ARHGAP20: variants seen among roughly 807,000 people sequenced by gnomAD.
ARHGAP20 encodes Rho GTPase activating protein 20, also known as rho GTPase-activating protein 20.
Under a neutral mutation model 73.7 loss-of-function variants are expected in ARHGAP20, and 34 were observed. The observed-to-expected ratio is 0.46, with a 90% CI of 0.35 to 0.61. The LOEUF is 0.61. Ranked by LOEUF, ARHGAP20 falls within the 20% of genes least tolerant of loss-of-function variation. The probability of loss-of-function intolerance (pLI) is 0.00; values close to 1 mark genes in which losing one functional copy is unlikely to be tolerated. For synonymous variants in ARHGAP20, 523 were observed against 518.2 expected (o/e 1.01, Z -0.13); for missense variants, 1,314 against 1,420.9 (o/e 0.92, Z 1.21).
intron 4 of ARHGAP20, among the ~76,000 whole-genome samples, chr11:110,619,583 A>G (rs573577042): frequency 6.0e-5 from 9 of 150,066 alleles, no homozygotes; most frequent in South Asian, 2.1e-4. Flanking sequence ...GTGATAGCGT[A>G]TATGTAGTGA....
intron 2 of ARHGAP20, among the ~76,000 whole-genome samples, chr11:110,636,469 G>C (rs148218628): frequency 1.3e-5 from 2 of 152,026 alleles, no homozygotes; most frequent in African/African-American, 4.8e-5. Flanking sequence ...CAATTCCAAA[G>C]GATTTTCACA....
chr11:110,626,212 C>T (rs1948740902), intron 3 of ARHGAP20, among the ~76,000 whole-genome samples: 1 of 152,108 alleles, frequency 6.6e-6, no homozygotes. Flanking sequence ...TTTGTTTTCA[C>T]ATATTTTGTA....
chr11:110,579,755 A>G lies in ARHGAP20; in HGVS notation c.3191T>C (p.Ile1064Thr), dbSNP rs781424737. The change falls in exon 15 of 15, where the codon ATA (isoleucine) becomes ACA (threonine). Residue 1064 changes from isoleucine to threonine, a missense_variant. Coordinates refer to ENST00000683387, the MANE Select transcript of ARHGAP20 (RefSeq NM_001384657.1). ...CTCTAAGGGTCCTTTTGGAGAAGCTATTTTCTCTTCCTCTGGTCTGGCTGC... is the reference window on the plus strand; with the variant it reads ...CTCTAAGGGTCCTTTTGGAGAAGCTGTTTTCTCTTCCTCTGGTCTGGCTGC... ...AKAARPEEEKIASPKGPLEPP... is the reference protein window; with the variant it reads ...AKAARPEEEKTASPKGPLEPP... 4 of 1,613,750 alleles carry G rather than the reference A, an allele frequency of 2.5e-6. No individual in the cohort carries two copies. The highest frequency in any genetic ancestry group is 4.5e-5 in the East Asian group (2 of 44,872).
Position 110,712,325 on chromosome 11 carries a change from G to T in ARHGAP20, c.-94C>A. ...GGAGGGGCGAGGACGCGCGGGCGGA[G>T]GCGCGGCTGCCGTGCTCAGGCAGGG... On this transcript the variant is annotated 5_prime_UTR_variant, in exon 1 of 15. Coordinates refer to ENST00000683387, the MANE Select transcript of ARHGAP20 (RefSeq NM_001384657.1). 1 of 1,087,490 alleles carries T rather than the reference G, an allele frequency of 9.2e-7. No homozygotes were observed. The highest frequency in any genetic ancestry group is 1.2e-6 in the Non-Finnish European group (1 of 843,016). 67.4% of individuals were successfully genotyped at this position (1,087,490 alleles called of 1,614,324 possible).
chr11:110,609,377 C>A (rs963478980), intron 7 of ARHGAP20, among the ~76,000 whole-genome samples: 1 of 152,126 alleles, frequency 6.6e-6, no homozygotes, highest in Non-Finnish European at 1.5e-5. Context: ...GCAAAGACAA[C>A]CTTATTATCC....
chr11:110,649,364 T>C (rs1847319163), intron 2 of ARHGAP20, among the ~76,000 whole-genome samples: 1 of 151,410 alleles, frequency 6.6e-6, no homozygotes, highest in South Asian at 2.1e-4. Flanking sequence ...CATTTCACTA[T>C]CCCCAAAACA....
At chr11:110,673,366 CAT>C (rs1259386642) in intron 2 of ARHGAP20, among the ~76,000 whole-genome samples, 1 of 151,994 alleles carries the variant, frequency 6.6e-6, no homozygotes, top group Non-Finnish European at 1.5e-5. Context: ...ACTTTTAAAA[CAT>C]ATAATAGAGT....
At chr11:110,581,582 A>ATACTT (rs1458902368) in intron 14 of ARHGAP20, among the ~76,000 whole-genome samples, 1 of 152,228 alleles carries the variant, frequency 6.6e-6, no homozygotes, top group African/African-American at 2.4e-5. Flanking sequence ...GTGGTTATAC[A>ATACTT]TACTTAACAC....
At chr11:110,689,488 TAATG>T (rs775355413) in intron 2 of ARHGAP20, among the ~76,000 whole-genome samples, 22 of 152,214 alleles carry the variant, frequency 1.4e-4, no homozygotes, top group African/African-American at 3.9e-4. Context: ...GTGAATAAAT[TAATG>T]AATATTTGAA....
intron 1 of ARHGAP20, among the ~76,000 whole-genome samples, chr11:110,696,141 G>C (rs1591185854): frequency 6.6e-6 from 1 of 151,590 alleles, no homozygotes; most frequent in Non-Finnish European, 1.5e-5. Flanking sequence ...TTAAAGGTTT[G>C]TGCTTGCCTA....
chr11:110,586,253 G>T lies in ARHGAP20; in HGVS notation c.1378C>A (p.Gln460Lys). 1 of 1,558,480 alleles carries T rather than the reference G, an allele frequency of 6.4e-7. No individual in the cohort carries two copies. The highest frequency in any genetic ancestry group is 8.7e-7 in the Non-Finnish European group (1 of 1,151,638). ...TTTATTTTCTCTTCATCATTTCCTT[G>T]ATCCATTACAGAGACCCAGTGATCA... ...LYDHWVSVMD[Q>K]GNDEEKINTV... Residue 460 changes from glutamine (Q) to lysine (K), a missense_variant, in exon 12 of 15, where the codon CAA becomes AAA. Gln to Lys is a moderately conservative substitution (Grantham distance 53). Around this residue, in one of 3 missense-constraint regions of ARHGAP20, gnomAD observed 230 missense variants for 317.6 expected, o/e 0.72. Coordinates refer to ENST00000683387, the MANE Select transcript of ARHGAP20 (RefSeq NM_001384657.1).
At chr11:110,656,135 C>A (rs1483321070) in intron 2 of ARHGAP20, among the ~76,000 whole-genome samples, 1 of 152,088 alleles carries the variant, frequency 6.6e-6, no homozygotes, top group Non-Finnish European at 1.5e-5. Flanking sequence ...TCAGCAGTCC[C>A]TAAACACTAG....
chr11:110,662,503 T>C (rs1949637315), intron 2 of ARHGAP20, among the ~76,000 whole-genome samples: 1 of 151,946 alleles, frequency 6.6e-6, no homozygotes, highest in South Asian at 2.1e-4. Context: ...CTTAAACAAT[T>C]TCCAGGAATC....
intron 1 of ARHGAP20, among the ~76,000 whole-genome samples, chr11:110,699,187 T>A (rs758728022): frequency 6.6e-6 from 1 of 151,868 alleles, no homozygotes; most frequent in Non-Finnish European, 1.5e-5. Flanking sequence ...AGGAGCAAGG[T>A]GTTTAGTTTC....
intron 1 of ARHGAP20, among the ~76,000 whole-genome samples, chr11:110,693,384 C>G (rs1950278645): frequency 6.6e-6 from 1 of 151,958 alleles, no homozygotes; most frequent in Non-Finnish European, 1.5e-5. Flanking sequence ...CAAAATGAGA[C>G]AGTTTGGACT....
rs1482705870 is a variant in ARHGAP20, at chr11:110,580,110, A to T, written c.2836T>A (p.Ser946Thr). The T allele has an allele frequency of 1.2e-6, 2 of 1,614,086 alleles. No homozygotes were observed. Among genetic ancestry groups the T allele is most frequent in the Non-Finnish European group, 1.7e-6 (2 of 1,180,038 alleles). Residue 946 changes from serine (S) to threonine (T), a missense_variant, in exon 15 of 15, where the codon TCC (serine) becomes ACC (threonine). Ser to Thr is a moderately conservative substitution (Grantham distance 58, BLOSUM62 1). Coordinates refer to ENST00000683387, the MANE Select transcript of ARHGAP20 (RefSeq NM_001384657.1). ...TCTTGGGAGCTTACTGATGAGCCGG[A>T]TGGGGAAGTGCCTGGGGAGGATAAG... Reference protein sequence around the residue: ...SSLSSPGTSPSGSSVSSQDSA... With the variant: ...SSLSSPGTSPTGSSVSSQDSA...
In ARHGAP20 at chr11:110,586,823, T is replaced by C. The variant is rs535803026; in HGVS notation, c.1306-498A>G. Among the ~76,000 whole-genome samples the C allele has an allele frequency of 7.2e-4, 110 of 152,334 alleles. No homozygotes were observed. The Middle Eastern group carries it at 0.01, about 14-fold the overall frequency. ...TGACTAAAACAAAGTCTCTGTTATC[T>C]TGGAACTTTATATTCCAGTGTTATT... is the stretch of plus-strand genomic sequence containing the variant. On this transcript the variant is annotated intron_variant, in intron 11 of 14. Coordinates refer to ENST00000683387, the MANE Select transcript of ARHGAP20 (RefSeq NM_001384657.1).
At chr11:110,619,782 A>G (rs549783213) in intron 4 of ARHGAP20, among the ~76,000 whole-genome samples, 1 of 152,048 alleles carries the variant, frequency 6.6e-6, no homozygotes, top group Non-Finnish European at 1.5e-5. Flanking sequence ...ATGTAGTGAT[A>G]GTGCATATGT....
At chr11:110,648,256 TA>T (rs1949267256) in intron 2 of ARHGAP20, among the ~76,000 whole-genome samples, 1 of 130,478 alleles carries the variant, frequency 7.7e-6, no homozygotes, top group Non-Finnish European at 1.6e-5. Context: ...TATATGTAAA[TA>T]TATATATGTA....
Sources: gnomAD v4.1 joint callset for allele counts (sites outside exome capture counted in the v4.1 genomes callset) on GRCh38, gnomAD v4.1.1 for gene constraint, gnomAD v4.1.1 regional missense constraint, MANE v1.5 for transcripts, NCBI Gene and HGNC (gene_info 2026-07-23, HGNC 2026-07-21) for gene names.